BLTP1: variants seen among roughly 807,000 people sequenced by gnomAD.
The protein encoded by BLTP1 is fragile site-associated protein.
chr4:122,160,203 C>T, the BLTP1 span, among the ~76,000 whole-genome samples: 1 of 152,104 alleles, frequency 6.6e-6, no homozygotes, highest in Non-Finnish European at 1.5e-5. Context: ...TTCATAGGTC[C>T]TGCTTGTGAA....
the BLTP1 span, chr4:122,353,640 T>A: frequency 2.7e-6 from 1 of 369,924 alleles, no homozygotes; most frequent in South Asian, 1.1e-4. This position sits in a 1 kb window ranked among gnomAD's most constrained non-coding sequence, Gnocchi z 4.3. Context: ...ACAAATCCAA[T>A]TACCACTAAT....
At chr4:122,249,171 G>T in the BLTP1 span, 1 of 654,518 alleles carries the variant, frequency 1.5e-6, no homozygotes, top group Non-Finnish European at 1.9e-6. Flanking sequence ...GTGAGATGAT[G>T]AAAGTATTTA....
the BLTP1 span, chr4:122,238,382 C>T: frequency 6.4e-7 from 1 of 1,554,290 alleles, no homozygotes; most frequent in South Asian, 1.1e-5. Flanking sequence ...GAAGCCTGAT[C>T]ATAAATAGGA....
chr4:122,300,875 T>C, the BLTP1 span: 1 of 962,362 alleles, frequency 1.0e-6, no homozygotes, highest in African/African-American at 1.8e-5. Flanking sequence ...AGTAAGATAT[T>C]AAGATATTAG....
chr4:122,185,371 T>C, the BLTP1 span: 2 of 984,946 alleles, frequency 2.0e-6, no homozygotes, highest in Non-Finnish European at 2.4e-6. Context: ...AAAGAAAGCA[T>C]TGATTGTGGT....
At chr4:122,277,782 C>T in the BLTP1 span, 2 of 914,438 alleles carry the variant, frequency 2.2e-6, no homozygotes, top group Non-Finnish European at 2.6e-6. Context: ...CTTTGACTCC[C>T]TAATTAGATT....
the BLTP1 span, chr4:122,226,601 G>A: frequency 4.5e-6 from 7 of 1,544,658 alleles, no homozygotes; most frequent in Non-Finnish European, 6.1e-6. Context: ...TTAAGACAGT[G>A]TTTGGGTTCT....
chr4:122,309,191 A>G, the BLTP1 span: 154 of 1,529,394 alleles, frequency 1.0e-4, no homozygotes, highest in African/African-American at 1.4e-3. Flanking sequence ...TTCTATTCCT[A>G]TGAATCCTGT....
the BLTP1 span, chr4:122,269,165 T>C: frequency 7.2e-4 from 448 of 624,692 alleles, 1 homozygote; most frequent in Non-Finnish European, 8.4e-4. Context: ...TATCCATTTA[T>C]ATATAAATAT....
the BLTP1 span, chr4:122,201,781 G>A: frequency 1.3e-6 from 1 of 774,014 alleles, no homozygotes; most frequent in Non-Finnish European, 1.6e-6. Flanking sequence ...TCAGTTGGCT[G>A]TTCCACAGAA....
At chr4:122,192,364 G>A in the BLTP1 span, 1 of 1,607,484 alleles carries the variant, frequency 6.2e-7, no homozygotes, top group South Asian at 1.1e-5. Flanking sequence ...TATGGACCAT[G>A]GGCCGATAGG....
chr4:122,239,970 A>G, the BLTP1 span: 1 of 1,614,158 alleles, frequency 6.2e-7, no homozygotes, highest in Non-Finnish European at 8.5e-7. Context: ...TGACTACAGT[A>G]GGGGTTCCAT....
chr4:122,264,599 A>G, the BLTP1 span, among the ~76,000 whole-genome samples: 2 of 152,244 alleles, frequency 1.3e-5, no homozygotes, highest in African/African-American at 4.8e-5. Context: ...TGGCTTAGTT[A>G]TAAATGCAAA....
At chr4:122,166,722 C>T in the BLTP1 span, among the ~76,000 whole-genome samples, 1 of 152,084 alleles carries the variant, frequency 6.6e-6, no homozygotes, top group South Asian at 2.1e-4. Context: ...AATGTTCTTC[C>T]ATTTGTTTGT....
At chr4:122,235,523 TG>T in the BLTP1 span, 1 of 973,916 alleles carries the variant, frequency 1.0e-6, no homozygotes, top group Non-Finnish European at 1.2e-6. Context: ...AGCATAACTC[TG>T]GCCGGGCGTG....
At chr4:122,346,559 C>A in the BLTP1 span, 1 of 1,568,412 alleles carries the variant, frequency 6.4e-7, no homozygotes, top group Non-Finnish European at 8.6e-7. Flanking sequence ...CTGTCTTATA[C>A]CTACCATGTG....
chr4:122,318,365 A>T, the BLTP1 span: 1 of 896,928 alleles, frequency 1.1e-6, no homozygotes, highest in South Asian at 1.5e-5. Flanking sequence ...AAAGCACGTT[A>T]CATGTAATCA....
the BLTP1 span, chr4:122,328,180 G>A: frequency 6.2e-7 from 1 of 1,611,046 alleles, no homozygotes. Context: ...AATAGTGAAG[G>A]ATCATGTTCT....
At chr4:122,185,421 A>G in the BLTP1 span, 2 of 985,206 alleles carry the variant, frequency 2.0e-6, no homozygotes, top group African/African-American at 3.5e-5. Flanking sequence ...CATGTGATGC[A>G]TTGTTTTAGA....
Sources: allele counts gnomAD v4.1 joint callset (sites outside exome capture counted in the v4.1 genomes callset), GRCh38; gene constraint gnomAD v4.1.1; non-coding constraint Gnocchi (gnomAD v3.1); transcripts MANE v1.5; gene names NCBI Gene and HGNC (gene_info 2026-07-23, HGNC 2026-07-21).